CENPW: variants seen among roughly 807,000 people sequenced by gnomAD.
CENPW encodes centromere protein W.
A neutral mutation model predicts 11.1 loss-of-function variants in CENPW; 3 were observed. The ratio of observed to expected loss-of-function variants is 0.27; its 90% CI spans 0.12 to 0.70. CENPW has a LOEUF of 0.70. Among genes scored for constraint, CENPW ranks in the 30% least tolerant of loss-of-function variants. CENPW has a pLI of 0.77. For missense variants in CENPW, 100 were observed against 105.6 expected (o/e 0.95, Z 0.23); for synonymous variants, 38 against 42.0 (o/e 0.91, Z 0.37).
chr6:126,445,726 AAC>A, the CENPW span, among the ~76,000 whole-genome samples: 9 of 151,308 alleles, frequency 5.9e-5, no homozygotes, highest in South Asian at 1.7e-3. Flanking sequence ...TATAAAGAAA[AAC>A]ACATTAAAAT....
At chr6:126,401,207 G>A in the CENPW span, among the ~76,000 whole-genome samples, 744 of 152,156 alleles carry the variant, frequency 4.9e-3, 6 homozygotes, top group African/African-American at 0.017. Flanking sequence ...GCCAGCAATT[G>A]AGCTTGGTTT....
At chr6:126,479,982 C>T in the CENPW span, among the ~76,000 whole-genome samples, 1 of 151,894 alleles carries the variant, frequency 6.6e-6, no homozygotes, top group Non-Finnish European at 1.5e-5. Flanking sequence ...AATAAGTACT[C>T]TTCTGACCAA....
the CENPW span, among the ~76,000 whole-genome samples, chr6:126,419,082 T>A: frequency 6.6e-6 from 1 of 151,968 alleles, no homozygotes; most frequent in African/African-American, 2.4e-5. Flanking sequence ...AAAAGTATAA[T>A]AAAATATATA....
chr6:126,350,044 T>C (rs542378179), downstream of CENPW, among the ~76,000 whole-genome samples: 49 of 152,212 alleles, frequency 3.2e-4, no homozygotes, highest in African/African-American at 1.2e-3. Context: ...GTTTAATTTT[T>C]TAAAAAGAAA....
the CENPW span, among the ~76,000 whole-genome samples, chr6:126,363,678 TG>T: frequency 1.3e-5 from 2 of 152,212 alleles, no homozygotes; most frequent in Non-Finnish European, 2.9e-5. Context: ...CTTGCTCAAT[TG>T]TAAGTCCAAT....
chr6:126,415,300 G>A, the CENPW span, among the ~76,000 whole-genome samples: 4 of 151,976 alleles, frequency 2.6e-5, 1 homozygote, highest in Admixed American at 2.6e-4. Flanking sequence ...TCACTCACTA[G>A]ATTATAACCT....
chr6:126,373,394 G>A, the CENPW span, among the ~76,000 whole-genome samples: 1 of 152,152 alleles, frequency 6.6e-6, no homozygotes, highest in African/African-American at 2.4e-5. Flanking sequence ...AAGATGTTAA[G>A]CCCTTCTTCG....
the CENPW span, among the ~76,000 whole-genome samples, chr6:126,385,954 T>C: frequency 6.6e-6 from 1 of 152,066 alleles, no homozygotes; most frequent in Non-Finnish European, 1.5e-5. Flanking sequence ...ATTAGTTCAA[T>C]AGGTAAGCTA....
chr6:126,445,784 AT>A, the CENPW span, among the ~76,000 whole-genome samples: 1 of 151,250 alleles, frequency 6.6e-6, no homozygotes, highest in African/African-American at 2.4e-5. Context: ...AATTAAAAAA[AT>A]GTGAATTTAT....
the CENPW span, among the ~76,000 whole-genome samples, chr6:126,385,431 A>G: frequency 6.6e-6 from 1 of 152,196 alleles, no homozygotes; most frequent in Non-Finnish European, 1.5e-5. Flanking sequence ...GTCATAAAAA[A>G]GAACAAACTC....
the CENPW span, among the ~76,000 whole-genome samples, chr6:126,461,085 C>T: frequency 1.3e-5 from 2 of 151,960 alleles, no homozygotes; most frequent in South Asian, 2.1e-4. Context: ...TGACCTGACA[C>T]GGTTTGGCTC....
At chr6:126,466,376 A>G in the CENPW span, among the ~76,000 whole-genome samples, 1 of 152,100 alleles carries the variant, frequency 6.6e-6, no homozygotes. Context: ...TTTCTCAGAG[A>G]TGTATGGGTT....
Position 126,348,806 on chromosome 6 carries a change from T to C in CENPW, c.*314T>C, listed in dbSNP as rs908841955. The C allele has an allele frequency of 1.0e-4, 19 of 183,640 alleles. No individual in the cohort carries two copies. In the Admixed American group the frequency reaches 1.2e-3, roughly 11 times the overall value. The allele number at this position is 183,640 out of a possible 1,614,324, so 11.4% of individuals were successfully genotyped here. On this transcript the variant is annotated 3_prime_UTR_variant, in exon 3 of 3. Transcript: ENST00000368328. ...ATATTAAATACTTTGAAAATGTACT[T>C]CTTAGAATTAAGTTTATATATATTT...
the CENPW span, among the ~76,000 whole-genome samples, chr6:126,455,484 A>G: frequency 6.6e-6 from 1 of 151,542 alleles, no homozygotes; most frequent in Non-Finnish European, 1.5e-5. Flanking sequence ...AATCATCTCA[A>G]TAGACATAGA....
At chr6:126,464,292 C>T in the CENPW span, among the ~76,000 whole-genome samples, 16 of 152,052 alleles carry the variant, frequency 1.1e-4, no homozygotes, top group Non-Finnish European at 2.2e-4. Context: ...TGAAAACTCT[C>T]AGTAAAGTCA....
chr6:126,340,324 TC>T lies in CENPW; in HGVS notation c.55del (p.Arg19ValfsTer4). On this transcript the variant is annotated frameshift_variant, in exon 1 of 3. Coordinates refer to ENST00000368328, the MANE Select transcript of CENPW (RefSeq NM_001012507.4). LOFTEE classifies it high-confidence loss of function. ...SQRKQIKRKAPRGFLKRVFKR... is the reference protein window; with the variant it reads ...SQRKQIKRKAXRGFLKRVFKR... Reference sequence around the variant, plus strand: ...AGAGGAAGCAGATAAAGCGGAAGGCTCCCCGTGGCTTTCTAAAGCGAGTCTT... The same window carrying T: ...AGAGGAAGCAGATAAAGCGGAAGGCTCCCGTGGCTTTCTAAAGCGAGTCTT... The T allele has an allele frequency of 6.2e-7, 1 of 1,613,956 alleles. No individual in the cohort carries two copies. Among genetic ancestry groups the T allele is most frequent in the Non-Finnish European group, 8.5e-7 (1 of 1,180,002 alleles).
chr6:126,350,898 GA>G (rs541388781), downstream of CENPW, among the ~76,000 whole-genome samples: 1,331 of 150,978 alleles, frequency 8.8e-3, 9 homozygotes, highest in Non-Finnish European at 0.015. Flanking sequence ...ATGTAAATTT[GA>G]AAAAAAACAA....
At chr6:126,428,584 G>C in the CENPW span, among the ~76,000 whole-genome samples, 1 of 152,104 alleles carries the variant, frequency 6.6e-6, no homozygotes, top group South Asian at 2.1e-4. Context: ...GGGAACACCC[G>C]CTTTGCTCAT....
chr6:126,389,747 C>G, the CENPW span, among the ~76,000 whole-genome samples: 2 of 151,690 alleles, frequency 1.3e-5, no homozygotes, highest in African/African-American at 2.4e-5. Context: ...TTTATTCCCA[C>G]TATATATACA....
Sources: allele counts gnomAD v4.1 joint callset (sites outside exome capture counted in the v4.1 genomes callset), GRCh38; gene constraint gnomAD v4.1.1; transcripts MANE v1.5; gene names NCBI Gene and HGNC (gene_info 2026-07-23, HGNC 2026-07-21).